KIAA1217: variants seen among roughly 807,000 people sequenced by gnomAD.
The protein encoded by KIAA1217 is sickle tail protein homolog.
Under a neutral mutation model 163.9 loss-of-function variants are expected in KIAA1217, and 88 were observed. The observed-to-expected ratio is 0.54, with a 90% CI of 0.45 to 0.64. KIAA1217 has a LOEUF of 0.64. Ranked by LOEUF, KIAA1217 falls within the 30% of genes least tolerant of loss-of-function variation. The pLI is 0.00. For missense variants in KIAA1217, 2,372 were observed against 2,475.0 expected, an observed-to-expected ratio of 0.96 and a Z score of 0.88; for synonymous variants, 903 against 923.1, an observed-to-expected ratio of 0.98 and a Z score of 0.39.
intron 3 of KIAA1217, among the ~76,000 whole-genome samples, chr10:24,399,220 A>G (rs554243267): frequency 1.3e-5 from 2 of 152,246 alleles, no homozygotes; most frequent in Non-Finnish European, 2.9e-5. Flanking sequence ...CATAGCGATG[A>G]ACTGAGGTTT....
rs138195224 is a variant in KIAA1217 at position 24,539,804 on chromosome 10, G to A, written c.3535-2889G>A. ...CTAAGTATTTACCCTTCCATAAATC[G>A]GATGTTTTCTTAAGCATTTTTTCTC... On this transcript the variant is annotated intron_variant, in intron 17 of 20. Transcript: ENST00000376454. Among the ~76,000 whole-genome samples the A allele has an allele frequency of 1.6e-3, 248 of 152,158 alleles. 8 individuals carry two copies. The East Asian group carries it at 0.036, about 22-fold the overall frequency.
Position 24,531,849 on chromosome 10 carries a change from A to G in KIAA1217, c.3102A>G (p.Glu1034=). The G allele has an allele frequency of 6.3e-7, 1 of 1,599,882 alleles. No homozygotes were observed. Among genetic ancestry groups the G allele is most frequent in the Non-Finnish European group, 8.5e-7 (1 of 1,172,668 alleles). Residue 1034 remains glutamate (E), a synonymous_variant, in exon 15 of 21, where the codon GAA becomes GAG. Coordinates refer to ENST00000376454, the MANE Select transcript of KIAA1217 (RefSeq NM_019590.5). ...VELSEDSPNS[E]QDLEKLGGKS... ...TTCCAGAAGATTCTCCAAATTCGGA[A>G]CAGGACTTGGAAAAGCTGGGGGGAA...
At chr10:23,768,945 G>T (rs1195942345) in intron 1 of KIAA1217, among the ~76,000 whole-genome samples, 1 of 152,190 alleles carries the variant, frequency 6.6e-6, no homozygotes, top group Non-Finnish European at 1.5e-5. Flanking sequence ...TGTCCATGCT[G>T]CTAAGGACTG....
intron 2 of KIAA1217, among the ~76,000 whole-genome samples, chr10:24,278,840 G>T (rs2077579000): frequency 6.8e-6 from 1 of 147,042 alleles, no homozygotes; most frequent in African/African-American, 2.5e-5. Context: ...TCTGCTGTTG[G>T]TGTACTCAGA....
intron 1 of KIAA1217, among the ~76,000 whole-genome samples, chr10:23,823,247 C>T (rs563427187): frequency 5.3e-5 from 8 of 152,170 alleles, no homozygotes; most frequent in African/African-American, 9.6e-5. Context: ...CGGTTCGTTA[C>T]GGTTGTAGGA....
intron 1 of KIAA1217, among the ~76,000 whole-genome samples, chr10:23,973,699 C>T (rs1201637814): frequency 6.6e-6 from 1 of 152,130 alleles, no homozygotes; most frequent in Non-Finnish European, 1.5e-5. Flanking sequence ...TTCCTTATCA[C>T]CGGGAATCAG....
At chr10:23,896,751 A>C (rs1841722364) in intron 1 of KIAA1217, among the ~76,000 whole-genome samples, 1 of 152,058 alleles carries the variant, frequency 6.6e-6, no homozygotes, top group Non-Finnish European at 1.5e-5. Context: ...AACGTCTTTA[A>C]ACTTGAGATG....
Position 24,056,327 on chromosome 10 carries a change from C to CA in KIAA1217, c.-171+48960dup, listed in dbSNP as rs1292007791. ...TGGGTGACAGAGGGAGGCCCCATCT[C>CA]AAAAAAACAAACAAAAAGAAACAAA... is the stretch of plus-strand genomic sequence containing the variant. On this transcript the variant is annotated intron_variant, in intron 2 of 18. Transcript: ENST00000376462. Among the ~76,000 whole-genome samples the CA allele has an allele frequency of 7.3e-5, 11 of 151,560 alleles. No individual in the cohort carries two copies. The East Asian group carries it at 1.9e-3, about 27-fold the overall frequency.
chr10:23,872,740 A>G (rs1374986817), intron 1 of KIAA1217, among the ~76,000 whole-genome samples: 3 of 152,122 alleles, frequency 2.0e-5, no homozygotes, highest in African/African-American at 7.2e-5. Context: ...CAAGCTAATT[A>G]AAGTGAGGGT....
At chr10:23,999,338 C>T (rs1417371351) in intron 1 of KIAA1217, among the ~76,000 whole-genome samples, 1 of 152,132 alleles carries the variant, frequency 6.6e-6, no homozygotes, top group Non-Finnish European at 1.5e-5. Context: ...TCTTGAGTAG[C>T]TGGAGGCAGT....
intron 2 of KIAA1217, among the ~76,000 whole-genome samples, chr10:24,239,495 C>CT (rs34650424): frequency 0.082 from 11,101 of 134,684 alleles, 1,283 homozygotes; most frequent in African/African-American, 0.26. Flanking sequence ...TTTTTAAGGG[C>CT]TTTTTTTTTT....
intron 2 of KIAA1217, among the ~76,000 whole-genome samples, chr10:24,357,565 G>T (rs2049273184): frequency 6.6e-6 from 1 of 152,266 alleles, no homozygotes; most frequent in East Asian, 1.9e-4. Context: ...AGCAAGGATG[G>T]AATGTCTTAC....
intron 1 of KIAA1217, among the ~76,000 whole-genome samples, chr10:23,928,456 G>T (rs1229312572): frequency 1.3e-5 from 2 of 152,070 alleles, no homozygotes; most frequent in African/African-American, 4.8e-5. Flanking sequence ...ATGATGATTT[G>T]TTCATTTATT....
chr10:23,892,084 AACACAC>A (rs917454182), intron 1 of KIAA1217, among the ~76,000 whole-genome samples: 3 of 152,110 alleles, frequency 2.0e-5, no homozygotes, highest in Admixed American at 1.3e-4. Context: ...AAATAAAAAT[AACACAC>A]ACTATATATT....
intron 2 of KIAA1217, among the ~76,000 whole-genome samples, chr10:24,178,821 A>T (rs762199349): frequency 5.3e-5 from 8 of 152,146 alleles, no homozygotes; most frequent in Non-Finnish European, 1.0e-4. Flanking sequence ...CAGGAAGACT[A>T]TGTTATGGAG....
chr10:24,010,544 C>T (rs1316942107), intron 2 of KIAA1217, among the ~76,000 whole-genome samples: 1 of 151,902 alleles, frequency 6.6e-6, no homozygotes, highest in Non-Finnish European at 1.5e-5. Context: ...ATCTTCCCCC[C>T]CTTCAAGTTT....
At chr10:23,843,531 C>G (rs1411599953) in intron 1 of KIAA1217, among the ~76,000 whole-genome samples, 5 of 152,106 alleles carry the variant, frequency 3.3e-5, no homozygotes, top group African/African-American at 9.7e-5. Flanking sequence ...TCTTTAACAT[C>G]TTACCATTTG....
intron 1 of KIAA1217, among the ~76,000 whole-genome samples, chr10:23,937,490 G>A (rs76362166): frequency 0.019 from 2,951 of 152,156 alleles, 57 homozygotes; most frequent in Admixed American, 0.063. Context: ...ATATACATCC[G>A]GCAGTACTGT....
At position 24,501,504 on chromosome 10, in the gene KIAA1217, G is replaced by A. The variant is rs2067575649; in HGVS notation, c.1960G>A (p.Ala654Thr). Reference sequence around the variant, plus strand: ...CCTGCTTGAGATGAGGCGGAGCGTGGCGGAACTCAGGCTCCAGCTCCAGCA... The same window carrying A: ...CCTGCTTGAGATGAGGCGGAGCGTGACGGAACTCAGGCTCCAGCTCCAGCA... ...MSLLEMRRSV[A>T]ELRLQLQQMR... is the part of the protein sequence containing the mutation. The change falls in exon 9 of 21, where the codon GCG becomes ACG. Residue 654 changes from alanine (A) to threonine (T), a missense_variant. Coordinates refer to ENST00000376454, the MANE Select transcript of KIAA1217 (RefSeq NM_019590.5). 2.5e-6 allele frequency: 4 copies of A among 1,613,830 alleles called. No homozygotes were observed. Among genetic ancestry groups the A allele is most frequent in the Non-Finnish European group, 3.4e-6 (4 of 1,179,926 alleles).
Sources: gnomAD v4.1 joint callset for allele counts (sites outside exome capture counted in the v4.1 genomes callset) on GRCh38, gnomAD v4.1.1 for gene constraint, MANE v1.5 for transcripts, NCBI Gene and HGNC (gene_info 2026-07-23, HGNC 2026-07-21) for gene names.